NXPE4: variants seen among roughly 807,000 people sequenced by gnomAD.
NXPE4 encodes neurexophilin and PC-esterase domain family member 4.
Under a neutral mutation model 33.3 loss-of-function variants are expected in NXPE4, and 42 were observed. That is an observed-to-expected ratio of 1.26 (90% CI 0.98 to 1.63). NXPE4 has a LOEUF of 1.63. Ranked by LOEUF, NXPE4 falls within the 40% of genes most tolerant of loss-of-function variation. NXPE4 has a pLI of 0.00. For synonymous variants in NXPE4, 253 were observed against 234.9 expected (o/e 1.08, Z -0.71); for missense variants, 709 against 647.6 (o/e 1.09, Z -1.03).
At position 114,582,904 on chromosome 11, in the gene NXPE4, T is replaced by C. The variant is rs370550628; in HGVS notation, c.214A>G (p.Ile72Val). Residue 72 changes from isoleucine (I) to valine (V), a missense_variant, in exon 3 of 6, where the codon ATA becomes GTA. Transcript: ENST00000375478. ...LKPLTETELR[I>V]KEIIEKLDQQ... Reference sequence around the variant, plus strand: ...TCTAGTTTCTCTATGATTTCCTTTATTCTGAGTTCAGTCTCTGTTAGTGGC... The same window carrying C: ...TCTAGTTTCTCTATGATTTCCTTTACTCTGAGTTCAGTCTCTGTTAGTGGC... 26 of 1,614,092 alleles carry C rather than the reference T, an allele frequency of 1.6e-5. No individual in the cohort carries two copies. The African/African-American group carries it at 3.3e-4, about 21-fold the overall frequency.
the NXPE4 span, among the ~76,000 whole-genome samples, chr11:114,614,113 G>A: frequency 6.6e-6 from 1 of 151,826 alleles, no homozygotes; most frequent in African/African-American, 2.4e-5. Context: ...TTGCCTCGTG[G>A]GTAACCAGTG....
the NXPE4 span, among the ~76,000 whole-genome samples, chr11:114,657,545 T>G: frequency 5.9e-5 from 9 of 152,286 alleles, no homozygotes; most frequent in East Asian, 9.6e-4. Context: ...TTATAGCAAT[T>G]AGGCCCACAC....
the NXPE4 span, among the ~76,000 whole-genome samples, chr11:114,667,315 A>G: frequency 1.3e-5 from 2 of 152,180 alleles, no homozygotes; most frequent in Non-Finnish European, 2.9e-5. Context: ...AATAAACATA[A>G]TTATATTTAA....
chr11:114,633,760 C>G, the NXPE4 span, among the ~76,000 whole-genome samples: 1 of 151,836 alleles, frequency 6.6e-6, no homozygotes, highest in African/African-American at 2.4e-5. Flanking sequence ...TGATGATTTC[C>G]AATTTCATCC....
At chr11:114,626,201 G>C in the NXPE4 span, among the ~76,000 whole-genome samples, 71 of 152,312 alleles carry the variant, frequency 4.7e-4, no homozygotes, top group South Asian at 3.5e-3. Context: ...GCCTGCCTCT[G>C]TAGGCTCCAC....
chr11:114,596,770 A>G (rs1949576990), upstream of NXPE4, among the ~76,000 whole-genome samples: 1 of 152,216 alleles, frequency 6.6e-6, no homozygotes. Flanking sequence ...ACCCAAGTTC[A>G]CAGTCTACTC....
chr11:114,597,707 G>A (rs564255594), upstream of NXPE4, among the ~76,000 whole-genome samples: 90 of 152,092 alleles, frequency 5.9e-4, no homozygotes, highest in Non-Finnish European at 9.3e-4. Flanking sequence ...AATGAGCCTG[G>A]AGCATCTCGG....
chr11:114,673,210 A>G, the NXPE4 span, among the ~76,000 whole-genome samples: 1 of 151,424 alleles, frequency 6.6e-6, no homozygotes, highest in African/African-American at 2.4e-5. Context: ...AAATTAAACA[A>G]CACACTACTA....
At chr11:114,648,955 AT>A in the NXPE4 span, among the ~76,000 whole-genome samples, 21 of 151,824 alleles carry the variant, frequency 1.4e-4, no homozygotes, top group African/African-American at 4.6e-4. Flanking sequence ...AAACAAAAAA[AT>A]ATTTGCTTTT....
chr11:114,632,768 AT>A, the NXPE4 span, among the ~76,000 whole-genome samples: 1 of 9,272 alleles, frequency 1.1e-4, no homozygotes, highest in Non-Finnish European at 1.7e-4. Flanking sequence ...CATATATTAT[AT>A]AATTATATAT....
the NXPE4 span, among the ~76,000 whole-genome samples, chr11:114,668,357 G>A: frequency 6.6e-6 from 1 of 151,702 alleles, no homozygotes; most frequent in Non-Finnish European, 1.5e-5. Flanking sequence ...CCACTCCTAA[G>A]TTCTCAACTG....
chr11:114,662,031 G>A, the NXPE4 span, among the ~76,000 whole-genome samples: 6 of 152,056 alleles, frequency 3.9e-5, no homozygotes, highest in Non-Finnish European at 5.9e-5. Context: ...CCTACCCCCC[G>A]CAAGGACACC....
the NXPE4 span, among the ~76,000 whole-genome samples, chr11:114,642,683 T>G: frequency 7.2e-5 from 11 of 152,130 alleles, no homozygotes; most frequent in African/African-American, 2.7e-4. Context: ...TTTGGGTTGG[T>G]TCCAAGTCTT....
chr11:114,636,220 A>AT, the NXPE4 span, among the ~76,000 whole-genome samples: 4 of 151,698 alleles, frequency 2.6e-5, no homozygotes, highest in Non-Finnish European at 5.9e-5. Flanking sequence ...GAATTTATCC[A>AT]TTTTTTCTAG....
chr11:114,619,719 C>T, the NXPE4 span, among the ~76,000 whole-genome samples: 1 of 152,030 alleles, frequency 6.6e-6, no homozygotes, highest in Non-Finnish European at 1.5e-5. Flanking sequence ...CTTGAGTAAT[C>T]ACTGTTACCC....
At chr11:114,601,620 T>TTATCATTATATATTA in the NXPE4 span, among the ~76,000 whole-genome samples, 1 of 1,358 alleles carries the variant, frequency 7.4e-4, no homozygotes, top group African/African-American at 1.7e-3. Context: ...TAATTATATA[T>TTATCATTATATATTA]TATATATTAT....
At chr11:114,651,124 A>C in the NXPE4 span, among the ~76,000 whole-genome samples, 2 of 152,094 alleles carry the variant, frequency 1.3e-5, no homozygotes, top group African/African-American at 4.8e-5. Flanking sequence ...GAATGTGTCC[A>C]GATTTGGTTC....
At chr11:114,665,985 T>A in the NXPE4 span, among the ~76,000 whole-genome samples, 1 of 152,052 alleles carries the variant, frequency 6.6e-6, no homozygotes, top group African/African-American at 2.4e-5. Flanking sequence ...GGGTTAGGAG[T>A]TGAATCTACA....
At chr11:114,600,631 G>A (rs1258194952), upstream of NXPE4, among the ~76,000 whole-genome samples, 2 of 152,040 alleles carry the variant, frequency 1.3e-5, no homozygotes, top group Admixed American at 1.3e-4. Context: ...CAGCTAAGGA[G>A]ACATGATGAC....
Sources: allele counts gnomAD v4.1 joint callset (sites outside exome capture counted in the v4.1 genomes callset), GRCh38; gene constraint gnomAD v4.1.1; transcripts MANE v1.5; gene names NCBI Gene and HGNC (gene_info 2026-07-23, HGNC 2026-07-21).